PDE6D: variants seen among roughly 807,000 people sequenced by gnomAD.
PDE6D encodes the protein phosphodiesterase 6D, also known as retinal rod rhodopsin-sensitive cGMP 3',5'-cyclic phosphodiesterase subunit delta.
A neutral mutation model predicts 21.9 loss-of-function variants in PDE6D; 10 were observed. The observed-to-expected ratio is 0.46, with a 90% CI of 0.28 to 0.78. The LOEUF (loss-of-function observed/expected upper bound fraction) is 0.78. Ranked by LOEUF, PDE6D falls within the 30% of genes least tolerant of loss-of-function variation. PDE6D has a pLI of 0.12. For missense variants in PDE6D, 139 were observed against 184.8 expected, an observed-to-expected ratio of 0.75 and a Z score of 1.44; for synonymous variants, 59 against 63.5, an observed-to-expected ratio of 0.93 and a Z score of 0.34.
rs539040586 is a variant in PDE6D, at chr2:231,777,502, T to C, written c.50+3563A>G. 9.2e-5 allele frequency among the ~76,000 whole-genome samples: 14 copies of C among 152,268 alleles called. No homozygotes were observed. The South Asian group carries it at 1.9e-3, about 20-fold the overall frequency. ...CATGTTTCTATCTACTATGGGCATA[T>C]GGGCAAGCTTCCATGTGAACAAAAG... On this transcript the variant is annotated intron_variant, in intron 1 of 4. Coordinates refer to ENST00000287600, the MANE Select transcript of PDE6D (RefSeq NM_002601.4).
chr2:231,762,520 T>G (rs2106279904), intron 1 of PDE6D, among the ~76,000 whole-genome samples: 1 of 152,014 alleles, frequency 6.6e-6, no homozygotes, highest in East Asian at 1.9e-4. Flanking sequence ...AATGTTTGTA[T>G]TTTTAGTAAG....
chr2:231,744,618 C>T (rs896389576), intron 1 of PDE6D, among the ~76,000 whole-genome samples: 1 of 151,698 alleles, frequency 6.6e-6, no homozygotes, highest in East Asian at 1.9e-4. Context: ...TTTTTAGTAG[C>T]GATGGGGTTT....
At chr2:231,769,115 C>G (rs2048995627) in intron 1 of PDE6D, among the ~76,000 whole-genome samples, 1 of 152,136 alleles carries the variant, frequency 6.6e-6, no homozygotes, top group Admixed American at 6.5e-5. Flanking sequence ...GTGATCCGCC[C>G]ACCTTGGCCT....
intron 1 of PDE6D, among the ~76,000 whole-genome samples, chr2:231,772,598 T>C (rs1395282778): frequency 6.6e-6 from 1 of 152,166 alleles, no homozygotes; most frequent in Non-Finnish European, 1.5e-5. Context: ...TAGAGAGGGA[T>C]AGGTCTATAA....
chr2:231,774,603 T>A lies in PDE6D; in HGVS notation c.50+6462A>T, dbSNP rs549932012. The stretch of plus-strand genomic sequence containing the variant: ...AACACTGAATATTATCTTTTTTTTT[T>A]TTTGAGACTGAGTCTCTCTCTGTCA... On this transcript the variant is annotated intron_variant, in intron 1 of 4. Coordinates refer to ENST00000287600, the MANE Select transcript of PDE6D (RefSeq NM_002601.4). Among the ~76,000 whole-genome samples, 15 of 152,304 alleles carry A rather than the reference T, an allele frequency of 9.8e-5. No individual in the cohort carries two copies. In the South Asian group the frequency reaches 1.9e-3, roughly 19 times the overall value.
chr2:231,774,756 A>G (rs547604993), intron 1 of PDE6D, among the ~76,000 whole-genome samples: 1 of 151,308 alleles, frequency 6.6e-6, no homozygotes, highest in South Asian at 2.1e-4. Flanking sequence ...ATGCCCAGCT[A>G]ATTTTTGTAT....
At chr2:231,757,301 T>C (rs1165164613) in intron 1 of PDE6D, among the ~76,000 whole-genome samples, 2 of 152,038 alleles carry the variant, frequency 1.3e-5, no homozygotes, top group Non-Finnish European at 2.9e-5. Flanking sequence ...TATTAAACGA[T>C]TTATTTTTTT....
intron 1 of PDE6D, among the ~76,000 whole-genome samples, chr2:231,773,519 C>G (rs1442237889): frequency 6.6e-6 from 1 of 152,166 alleles, no homozygotes; most frequent in Non-Finnish European, 1.5e-5. Flanking sequence ...CTACAGTCGA[C>G]TTTTCTTAAT....
intron 1 of PDE6D, among the ~76,000 whole-genome samples, chr2:231,751,920 A>G (rs1559319786): frequency 6.6e-6 from 1 of 152,176 alleles, no homozygotes; most frequent in Non-Finnish European, 1.5e-5. Flanking sequence ...ATCTGGCACA[A>G]CTTAAGGGGT....
intron 1 of PDE6D, among the ~76,000 whole-genome samples, chr2:231,750,660 A>AT (rs561604556): frequency 0.015 from 1,396 of 92,048 alleles, 87 homozygotes; most frequent in African/African-American, 0.048. Context: ...TGCTCATCTA[A>AT]TTTTTTTTTT....
intron 3 of PDE6D, 111 bp downstream of exon 3, chr2:231,737,902 C>T: frequency 9.3e-7 from 1 of 1,072,298 alleles, no homozygotes; most frequent in Non-Finnish European, 1.3e-6. Flanking sequence ...CTACCACAAA[C>T]TGAGTTGTAA....
chr2:231,733,119 G>T, intron 4 of PDE6D, 86 bp from the exon 5 acceptor site: 1 of 935,776 alleles, frequency 1.1e-6, no homozygotes, highest in Non-Finnish European at 1.7e-6. Context: ...TTTCCATCTG[G>T]ATTCCTGGGC....
intron 1 of PDE6D, among the ~76,000 whole-genome samples, chr2:231,748,174 CAGA>C (rs987411591): frequency 3.3e-4 from 50 of 152,218 alleles, no homozygotes; most frequent in African/African-American, 1.1e-3. Flanking sequence ...TTGAAGGGCT[CAGA>C]AGAAGACAGG....
intron 1 of PDE6D, among the ~76,000 whole-genome samples, chr2:231,767,517 G>A (rs1053677346): frequency 6.6e-6 from 1 of 151,924 alleles, no homozygotes; most frequent in African/African-American, 2.4e-5. Context: ...GGGTTTCACC[G>A]AGTTAGCCAG....
At chr2:231,781,010 A>G (rs1307264386) in intron 1 of PDE6D, 55 bp downstream of exon 1, 2 of 1,494,856 alleles carry the variant, frequency 1.3e-6, no homozygotes, top group Non-Finnish European at 1.9e-6. Context: ...CAGTCTCCTC[A>G]GTGAGCGGCC....
chr2:231,779,648 C>T (rs1223460383), intron 1 of PDE6D: 3 of 152,184 alleles, frequency 2.0e-5, no homozygotes, highest in African/African-American at 7.2e-5. Flanking sequence ...GAGAGAAACA[C>T]AGAAAGGCAC....
At chr2:231,752,605 A>G (rs1229023314) in intron 1 of PDE6D, among the ~76,000 whole-genome samples, 1 of 152,096 alleles carries the variant, frequency 6.6e-6, no homozygotes, top group Non-Finnish European at 1.5e-5. Context: ...CTGAAAGCTT[A>G]TTTGTATTAA....
At chr2:231,750,244 A>G (rs561977791) in intron 1 of PDE6D, among the ~76,000 whole-genome samples, 1 of 152,172 alleles carries the variant, frequency 6.6e-6, no homozygotes, top group African/African-American at 2.4e-5. Context: ...AAGTCCAATT[A>G]AACCTTTTTC....
intron 1 of PDE6D, among the ~76,000 whole-genome samples, chr2:231,762,339 CTTTT>C (rs3074725): frequency 3.0e-4 from 25 of 83,442 alleles, no homozygotes; most frequent in Admixed American, 4.2e-4. Flanking sequence ...AGGACTAACG[CTTTT>C]TTTTTTTTTT....
Sources: allele counts gnomAD v4.1 joint callset (sites outside exome capture counted in the v4.1 genomes callset), GRCh38; gene constraint gnomAD v4.1.1; transcripts MANE v1.5; gene names NCBI Gene and HGNC (gene_info 2026-07-23, HGNC 2026-07-21).